AOPEP: variants seen among roughly 807,000 people sequenced by gnomAD.
The protein encoded by AOPEP is aminopeptidase O (putative).
A neutral mutation model predicts 98.1 loss-of-function variants in AOPEP; 77 were observed. The observed-to-expected ratio is 0.78, with a 90% CI of 0.65 to 0.95. The LOEUF (loss-of-function observed/expected upper bound fraction) is 0.95. Ranked by LOEUF, AOPEP falls within the 40% of genes least tolerant of loss-of-function variation. The pLI, the probability that AOPEP is intolerant of heterozygous loss-of-function variation, is 0.00. For synonymous variants in AOPEP, 346 were observed against 365.3 expected, an observed-to-expected ratio of 0.95 and a Z score of 0.60; for missense variants, 1,024 against 1,024.7, an observed-to-expected ratio of 1.00 and a Z score of 0.01.
At position 94,930,547 on chromosome 9, in the gene AOPEP, G is replaced by A. The variant is rs1405024249; in HGVS notation, c.1661+2016G>A. 6.6e-6 allele frequency among the ~76,000 whole-genome samples: 1 copy of A among 152,132 alleles called. No individual in the cohort carries two copies. The highest frequency in any genetic ancestry group is 1.5e-5 in the Non-Finnish European group (1 of 68,030). ...GAAATCCTCAGGGAGAGAGGAAAGT[G>A]AGAGAAGAGGTCAGGAGGAAGAGGG... On this transcript the variant is annotated intron_variant, in intron 7 of 16. Transcript: ENST00000375315. The surrounding 1 kb of genome is among the most constrained non-coding windows in gnomAD (Gnocchi z 4.5).
Position 94,960,739 on chromosome 9 carries a change from G to A in AOPEP, c.1872+4724G>A, listed in dbSNP as rs557404550. On this transcript the variant is annotated intron_variant, in intron 9 of 16. Transcript: ENST00000375315. ...GCGTAAGAATGCTTGTGGGCCGGGT[G>A]CGGTGGCTCACGCCTGTAATCCCAG... Among the ~76,000 whole-genome samples, 128 of 152,038 alleles carry A rather than the reference G, an allele frequency of 8.4e-4. 1 individual carries two copies. The South Asian group carries it at 0.019, about 23-fold the overall frequency.
the AOPEP span, among the ~76,000 whole-genome samples, chr9:95,139,976 G>C: frequency 6.6e-6 from 1 of 151,518 alleles, no homozygotes; most frequent in Non-Finnish European, 1.5e-5. Context: ...GAAACGCTAA[G>C]GTTGTCCTTT....
At chr9:94,786,631 G>C (rs1011618202) in intron 3 of AOPEP, among the ~76,000 whole-genome samples, 1 of 152,194 alleles carries the variant, frequency 6.6e-6, no homozygotes, top group African/African-American at 2.4e-5. Flanking sequence ...AATAATCCAT[G>C]AAGAGACAAC....
chr9:94,842,507 A>G (rs1049248460), intron 5 of AOPEP, among the ~76,000 whole-genome samples: 22 of 152,280 alleles, frequency 1.4e-4, no homozygotes, highest in Admixed American at 9.8e-4. Flanking sequence ...TGTCTTATAT[A>G]TTACATTTGC....
At chr9:95,042,631 AG>A (rs1325673906) in intron 13 of AOPEP, among the ~76,000 whole-genome samples, 1 of 152,100 alleles carries the variant, frequency 6.6e-6, no homozygotes, top group Non-Finnish European at 1.5e-5. Context: ...GGCCTTGTCT[AG>A]CTTTTAGGAT....
the AOPEP span, chr9:95,107,443 C>T: frequency 3.0e-5 from 21 of 692,604 alleles, no homozygotes; most frequent in South Asian, 2.0e-4. Context: ...CCCAAATGGG[C>T]GGAATGGAAA....
At chr9:95,095,058 G>C in the AOPEP span, among the ~76,000 whole-genome samples, 3 of 152,176 alleles carry the variant, frequency 2.0e-5, no homozygotes. Context: ...AGTGCTGCCA[G>C]GAACATGGCG....
At chr9:95,021,373 T>C (rs2063443062) in intron 13 of AOPEP, among the ~76,000 whole-genome samples, 1 of 152,178 alleles carries the variant, frequency 6.6e-6, no homozygotes, top group African/African-American at 2.4e-5. Flanking sequence ...GAAAGCTTCC[T>C]CTCCTCCTTC....
chr9:94,764,805 A>G (rs1002557589), intron 2 of AOPEP, among the ~76,000 whole-genome samples: 2 of 152,186 alleles, frequency 1.3e-5, no homozygotes, highest in African/African-American at 4.8e-5. Flanking sequence ...TGCCAGTAAT[A>G]GGGAAAGCTG....
intron 9 of AOPEP, 82 bp from the exon 10 acceptor site, chr9:94,967,676 G>A: frequency 2.6e-6 from 3 of 1,140,730 alleles, no homozygotes; most frequent in Non-Finnish European, 4.0e-6. Context: ...TCAGTAGCTG[G>A]GAGCACTCAG....
At chr9:94,920,898 G>A (rs564595346) in intron 5 of AOPEP, among the ~76,000 whole-genome samples, 10 of 152,234 alleles carry the variant, frequency 6.6e-5, no homozygotes, top group East Asian at 1.9e-4. Flanking sequence ...ATGACAACAC[G>A]GGAGTGTGGC....
intron 5 of AOPEP, among the ~76,000 whole-genome samples, chr9:94,847,161 GTC>G (rs369354585): frequency 0.82 from 112,220 of 137,266 alleles, 45,891 homozygotes; most frequent in Non-Finnish European, 0.86. Context: ...CACTCTCTCT[GTC>G]TCTCTCTCTC....
the AOPEP span, chr9:95,110,711 CT>C: frequency 9.4e-7 from 1 of 1,060,514 alleles, no homozygotes; most frequent in East Asian, 5.2e-5. Flanking sequence ...CAAAATGAGC[CT>C]TGTCCTCTTT....
At chr9:94,805,469 G>GGTTTTTT (rs112012800) in intron 5 of AOPEP, among the ~76,000 whole-genome samples, 2 of 151,170 alleles carry the variant, frequency 1.3e-5, no homozygotes, top group East Asian at 1.9e-4. Flanking sequence ...TAGTTTGAAA[G>GGTTTTTT]GTTTTTTGTT....
intron 16 of AOPEP, among the ~76,000 whole-genome samples, chr9:95,084,035 A>G (rs999221019): frequency 2.6e-5 from 4 of 152,192 alleles, no homozygotes; most frequent in African/African-American, 9.7e-5. Context: ...TCTAACAATC[A>G]TCATTATTTC....
At chr9:95,059,860 T>C (rs2067171706) in intron 13 of AOPEP, among the ~76,000 whole-genome samples, 1 of 152,224 alleles carries the variant, frequency 6.6e-6, no homozygotes, top group African/African-American at 2.4e-5. Context: ...ATATCTCAAA[T>C]TGATTCTTCC....
intron 5 of AOPEP, among the ~76,000 whole-genome samples, chr9:94,867,401 T>G (rs1588621445): frequency 6.6e-6 from 1 of 152,326 alleles, no homozygotes; most frequent in East Asian, 1.9e-4. Context: ...TTCCCTGGCC[T>G]GTTTGCTTTC....
intron 11 of AOPEP, among the ~76,000 whole-genome samples, chr9:94,995,990 A>G (rs2132461081): frequency 6.6e-6 from 1 of 151,076 alleles, no homozygotes; most frequent in African/African-American, 2.4e-5. Context: ...GATCAAGTTC[A>G]CATTCCCCGG....
intron 11 of AOPEP, 78 bp downstream of exon 11, chr9:94,979,505 G>T: frequency 1.1e-6 from 1 of 876,254 alleles, no homozygotes; most frequent in South Asian, 1.4e-5. Flanking sequence ...TCATGACAGT[G>T]ATTTCTTAAT....
Sources: gnomAD v4.1 joint callset for allele counts (sites outside exome capture counted in the v4.1 genomes callset) on GRCh38, gnomAD v4.1.1 for gene constraint, Gnocchi (gnomAD v3.1) non-coding constraint, MANE v1.5 for transcripts, NCBI Gene and HGNC (gene_info 2026-07-23, HGNC 2026-07-21) for gene names.